TEK: variants seen among roughly 807,000 people sequenced by gnomAD.
TEK encodes the protein TEK receptor tyrosine kinase.
Under a neutral mutation model 131.8 loss-of-function variants are expected in TEK, and 43 were observed. The observed-to-expected ratio is 0.33, with a 90% CI of 0.26 to 0.42. The LOEUF is 0.42. TEK is among the 10% of genes least tolerant of loss of function. The pLI, the probability that TEK is intolerant of heterozygous loss-of-function variation, is 1.00. For synonymous variants in TEK, 580 were observed against 491.6 expected (o/e 1.18, Z -2.38); for missense variants, 1,162 against 1,384.4 (o/e 0.84, Z 2.55).
chr9:27,172,773 G>C, intron 5 of TEK, 26 bp downstream of exon 5: 1 of 1,612,616 alleles, frequency 6.2e-7, no homozygotes, highest in Non-Finnish European at 8.5e-7. Context: ...TGATAAGTAA[G>C]CTGTGGATTT....
intron 4 of TEK, among the ~76,000 whole-genome samples, chr9:27,170,615 C>CAA (rs1258778589): frequency 1.3e-5 from 2 of 151,860 alleles, no homozygotes; most frequent in Admixed American, 1.3e-4. Flanking sequence ...AAAACAAAAA[C>CAA]AAAAACTATA....
rs374733503 is a variant in TEK at position 27,183,442 on chromosome 9, C to A, written c.1031-17C>A. 1.5e-5 allele frequency: 24 copies of A among 1,613,060 alleles called. No homozygotes were observed. The highest frequency in any genetic ancestry group is 1.6e-5 in the Non-Finnish European group (19 of 1,179,262). Reference sequence around the variant, plus strand: ...CTGTTAAATATTAGATTTCACAGTGCTGTTTTCTTCCTTCAGGCATACAGA... The same window carrying A: ...CTGTTAAATATTAGATTTCACAGTGATGTTTTCTTCCTTCAGGCATACAGA... On this transcript the variant is annotated splice_polypyrimidine_tract_variant and intron_variant, in intron 7 of 22. Transcript: ENST00000380036.
intron 2 of TEK, among the ~76,000 whole-genome samples, chr9:27,167,493 G>T (rs977827984): frequency 6.6e-6 from 1 of 152,102 alleles, no homozygotes; most frequent in Non-Finnish European, 1.5e-5. Flanking sequence ...ATCCCAAAGG[G>T]CTGGGATTAC....
At chr9:27,172,532 T>C in intron 4 of TEK, 84 bp from the exon 5 acceptor site, 3 of 1,575,280 alleles carry the variant, frequency 1.9e-6, no homozygotes, top group South Asian at 1.1e-5. Context: ...GTCCACTGAA[T>C]GACTGACACA....
intron 1 of TEK, among the ~76,000 whole-genome samples, chr9:27,130,236 A>G (rs75665804): frequency 0.015 from 2,238 of 152,330 alleles, 20 homozygotes; most frequent in Non-Finnish European, 0.025. Context: ...CCAGAACCAG[A>G]CTTGAGTTTA....
At chr9:27,179,473 G>A (rs927862835) in intron 6 of TEK, among the ~76,000 whole-genome samples, 1 of 151,950 alleles carries the variant, frequency 6.6e-6, no homozygotes, top group East Asian at 1.9e-4. Flanking sequence ...TTTAAAAAAC[G>A]GGCCTTAATT....
At chr9:27,155,512 A>G (rs1227727946) in intron 1 of TEK, among the ~76,000 whole-genome samples, 2 of 152,224 alleles carry the variant, frequency 1.3e-5, no homozygotes, top group East Asian at 3.8e-4. Flanking sequence ...TCATTCAGAT[A>G]AAGGTTTAAT....
At chr9:27,119,130 C>T (rs902962027) in intron 1 of TEK, among the ~76,000 whole-genome samples, 6 of 152,150 alleles carry the variant, frequency 3.9e-5, no homozygotes, top group African/African-American at 1.4e-4. Context: ...ATCATCCTGA[C>T]TGACCACATG....
intron 1 of TEK, among the ~76,000 whole-genome samples, chr9:27,155,910 C>T (rs1823314304): frequency 6.6e-6 from 1 of 150,974 alleles, no homozygotes; most frequent in Non-Finnish European, 1.5e-5. Context: ...TCAAATGATT[C>T]TCCTGTCTCA....
intron 1 of TEK, among the ~76,000 whole-genome samples, chr9:27,112,621 C>G (rs1754259330): frequency 6.6e-6 from 1 of 152,122 alleles, no homozygotes; most frequent in Admixed American, 6.5e-5. Flanking sequence ...TGGGTGGGCT[C>G]TAAATTCTTC....
chr9:27,218,460 T>A (rs1825913476), intron 19 of TEK, among the ~76,000 whole-genome samples: 1 of 152,098 alleles, frequency 6.6e-6, no homozygotes, highest in Non-Finnish European at 1.5e-5. Flanking sequence ...ACATAAGTAT[T>A]GGGTGGCAGA....
rs886063826 is a variant in TEK at position 27,229,462 on chromosome 9, T to C, written c.*230T>C. 3.5e-6 allele frequency: 2 copies of C among 567,902 alleles called. No homozygotes were observed. Among genetic ancestry groups the C allele is most frequent in the Non-Finnish European group, 6.3e-6 (2 of 318,036 alleles). The allele number at this position is 567,902 out of a possible 1,614,324, so 35.2% of individuals were successfully genotyped here. ...GAATGGGCTGAAATCAGAATGCCTG[T>C]TTGTGGTTTCATATGCAATAATATA... On this transcript the variant is annotated 3_prime_UTR_variant, in exon 23 of 23. Coordinates refer to ENST00000380036, the MANE Select transcript of TEK (RefSeq NM_000459.5).
chr9:27,140,121 C>T (rs73425117), intron 1 of TEK, among the ~76,000 whole-genome samples: 6,540 of 152,230 alleles, frequency 0.043, 453 homozygotes, highest in African/African-American at 0.15. Context: ...TTGAGCAACA[C>T]CAAACTTATT....
intron 2 of TEK, among the ~76,000 whole-genome samples, chr9:27,163,847 G>A (rs928110954): frequency 6.6e-6 from 1 of 152,178 alleles, no homozygotes; most frequent in African/African-American, 2.4e-5. Flanking sequence ...GAAAGGAGAT[G>A]ACTGAAATTG....
At chr9:27,211,099 G>A (rs1380517071) in intron 16 of TEK, among the ~76,000 whole-genome samples, 1 of 147,842 alleles carries the variant, frequency 6.8e-6, no homozygotes, top group Non-Finnish European at 1.5e-5. Flanking sequence ...TTCAGCCCAG[G>A]CGACAGAGAG....
At chr9:27,159,740 T>A (rs776553639) in intron 2 of TEK, among the ~76,000 whole-genome samples, 1 of 152,164 alleles carries the variant, frequency 6.6e-6, no homozygotes, top group Non-Finnish European at 1.5e-5. Context: ...TATTTAATAA[T>A]TGTATTATAA....
intron 13 of TEK, among the ~76,000 whole-genome samples, chr9:27,203,936 G>A (rs1587009589): frequency 6.6e-6 from 1 of 152,164 alleles, no homozygotes; most frequent in Non-Finnish European, 1.5e-5. Context: ...CAAACAAGTC[G>A]CTTTAACAGT....
At chr9:27,123,862 C>A (rs558402838) in intron 1 of TEK, among the ~76,000 whole-genome samples, 26 of 152,192 alleles carry the variant, frequency 1.7e-4, no homozygotes, top group African/African-American at 4.8e-4. Context: ...CTGCAACCTC[C>A]GCCTCTCAGG....
chr9:27,211,383 T>C (rs1391371904), intron 16 of TEK, among the ~76,000 whole-genome samples: 1 of 130,230 alleles, frequency 7.7e-6, no homozygotes, highest in African/African-American at 3.2e-5. Context: ...GGTTTCAATA[T>C]TACTTTTCTT....
Sources: allele counts gnomAD v4.1 joint callset (sites outside exome capture counted in the v4.1 genomes callset), GRCh38; gene constraint gnomAD v4.1.1; transcripts MANE v1.5; gene names NCBI Gene and HGNC (gene_info 2026-07-23, HGNC 2026-07-21).